RANBP3: variants seen among roughly 807,000 people sequenced by gnomAD.
RANBP3 encodes ran-binding protein 3.
RANBP3 carries 14 observed loss-of-function variants against 77.3 expected under a neutral mutation model. The observed-to-expected ratio is 0.18, with a 90% CI of 0.12 to 0.28. The LOEUF is 0.28. Among genes scored for constraint, RANBP3 ranks in the 10% least tolerant of loss-of-function variants. RANBP3 has a pLI of 1.00. For missense variants in RANBP3, 586 were observed against 752.3 expected, an observed-to-expected ratio of 0.78 and a Z score of 2.59; for synonymous variants, 315 against 312.4, an observed-to-expected ratio of 1.01 and a Z score of -0.09.
chr19:5,920,485 A>G (rs546219924), intron 14 of RANBP3, among the ~76,000 whole-genome samples: 1 of 152,308 alleles, frequency 6.6e-6, no homozygotes, highest in South Asian at 2.1e-4. Flanking sequence ...CTAAATGTCC[A>G]CCAATAGGGA....
chr19:5,957,470 C>A (rs1466455669), intron 2 of RANBP3, among the ~76,000 whole-genome samples: 1 of 152,104 alleles, frequency 6.6e-6, no homozygotes, highest in African/African-American at 2.4e-5. Context: ...CTCGTTAGGG[C>A]CAATAAATCC....
chr19:5,934,357 C>T (rs1461583643), intron 5 of RANBP3: 1 of 152,196 alleles, frequency 6.6e-6, no homozygotes, highest in Non-Finnish European at 1.5e-5. Context: ...GGTAGCCCTG[C>T]GTTTGTGCTA....
rs1218257373 is a variant in RANBP3, at chr19:5,933,432, C to T, written c.454G>A (p.Gly152Ser). The change falls in exon 6 of 17, where the codon GGC becomes AGC. Residue 152 changes from glycine (G) to serine (S), a missense_variant. Around this residue, in one of 5 missense-constraint regions of RANBP3, gnomAD observed 3 missense variants for 17.0 expected, o/e 0.18. Coordinates refer to ENST00000340578, the MANE Select transcript of RANBP3 (RefSeq NM_007322.3). The stretch of plus-strand genomic sequence containing the variant: ...GACCTACCTGCGCTGGGGGCTTGGC[C>T]GTGGATCAGCGTTGGTGGCTTCAAC... ...FRLKPPTLIH[G>S]QAPSAGLPSQ... 1.2e-6 allele frequency: 2 copies of T among 1,613,212 alleles called. No individual in the cohort carries two copies. Among genetic ancestry groups the T allele is most frequent in the Non-Finnish European group, 1.7e-6 (2 of 1,179,786 alleles).
In RANBP3 at chr19:5,921,081, G is replaced by A. The variant is rs2057812268; in HGVS notation, c.1330+120C>T. The A allele has an allele frequency of 7.5e-7, 1 of 1,327,238 alleles. No individual in the cohort carries two copies. The allele number at this position is 1,327,238 out of a possible 1,614,324, so 82.2% of individuals were successfully genotyped here. On this transcript the variant is annotated intron_variant, in intron 14 of 16. Coordinates refer to ENST00000340578, the MANE Select transcript of RANBP3 (RefSeq NM_007322.3). This position sits in a 1 kb window ranked among gnomAD's most constrained non-coding sequence, Gnocchi z 5.3. ...GCGGCTCTCATGGGAGACCGACTCT[G>A]TGCCTTGACTCTCACAAGGGTAGGG...
intron 3 of RANBP3, chr19:5,950,957 T>C (rs1261065628): frequency 1.2e-5 from 3 of 242,466 alleles, no homozygotes; most frequent in Non-Finnish European, 2.5e-5. Context: ...TGTTGGAGAG[T>C]GCCTCTTCCT....
chr19:5,975,147 C>T (rs556505334), intron 1 of RANBP3, among the ~76,000 whole-genome samples: 1 of 152,196 alleles, frequency 6.6e-6, no homozygotes, highest in Non-Finnish European at 1.5e-5. Context: ...GCAGGCTGTA[C>T]AAGCCAAAAC....
At chr19:5,975,662 G>A (rs1270994182) in intron 1 of RANBP3, among the ~76,000 whole-genome samples, 3 of 145,810 alleles carry the variant, frequency 2.1e-5, no homozygotes, top group Middle Eastern at 3.2e-3. Flanking sequence ...CTAGCATGCC[G>A]GATTGTTAAG....
In RANBP3 at chr19:5,927,963, C is replaced by T; in HGVS notation, c.813+5G>A. Reference sequence around the variant, plus strand: ...GTCAATGTGCTGGTTCAACAGCTCACATACCTTAACTCTGTCCCTCAAGTT... The same window carrying T: ...GTCAATGTGCTGGTTCAACAGCTCATATACCTTAACTCTGTCCCTCAAGTT... On this transcript the variant is annotated splice_donor_5th_base_variant and intron_variant, in intron 9 of 16. Coordinates refer to ENST00000340578, the MANE Select transcript of RANBP3 (RefSeq NM_007322.3). The T allele has an allele frequency of 6.2e-7, 1 of 1,604,638 alleles. No homozygotes were observed. The highest frequency in any genetic ancestry group is 8.5e-7 in the Non-Finnish European group (1 of 1,176,706).
At position 5,945,508 on chromosome 19, in the gene RANBP3, T is replaced by C. The variant is rs377584459; in HGVS notation, c.283-3673A>G. On this transcript the variant is annotated intron_variant, in intron 3 of 16. Transcript: ENST00000340578. The stretch of plus-strand genomic sequence containing the variant: ...ATTTTCCATGTGCACTTGAGAAGGC[T>C]GTGTACCCCACTGTTTGGGTGGGGT... Among the ~76,000 whole-genome samples, 34 of 152,356 alleles carry C rather than the reference T, an allele frequency of 2.2e-4. No homozygotes were observed. The East Asian group carries it at 3.5e-3, about 16-fold the overall frequency.
intron 1 of RANBP3, among the ~76,000 whole-genome samples, chr19:5,967,033 C>A (rs1057245209): frequency 2.0e-5 from 3 of 152,230 alleles, no homozygotes; most frequent in Non-Finnish European, 4.4e-5. Flanking sequence ...CAGTTCTGTG[C>A]CACAGCACAA....
chr19:5,947,304 ACT>A (rs2058217913), intron 3 of RANBP3, among the ~76,000 whole-genome samples: 1 of 144,402 alleles, frequency 6.9e-6, no homozygotes, highest in South Asian at 2.2e-4. Flanking sequence ...ACAGAGGGAG[ACT>A]CTGTCTCAAA....
At chr19:5,918,389 C>CGGGGGGGCGGGGGG in intron 15 of RANBP3, 107 bp downstream of exon 15, 1 of 236,546 alleles carries the variant, frequency 4.2e-6, no homozygotes, top group Non-Finnish European at 8.6e-6. Context: ...GCAACTGAAG[C>CGGGGGGGCGGGGGG]CCCTCCCCCC....
rs1034050207 is a variant in RANBP3 at position 5,921,095 on chromosome 19, A to C, written c.1330+106T>G. ...AGACCGACTCTGTGCCTTGACTCTC[A>C]CAAGGGTAGGGTCAGGATCTCCCCC... is the stretch of plus-strand genomic sequence containing the variant. On this transcript the variant is annotated intron_variant, in intron 14 of 16. Coordinates refer to ENST00000340578, the MANE Select transcript of RANBP3 (RefSeq NM_007322.3). This position sits in a 1 kb window ranked among gnomAD's most constrained non-coding sequence, Gnocchi z 5.3. 6 of 1,398,846 alleles carry C rather than the reference A, an allele frequency of 4.3e-6. No homozygotes were observed. The highest frequency in any genetic ancestry group is 5.7e-6 in the Non-Finnish European group (6 of 1,044,784). The allele number at this position is 1,398,846 out of a possible 1,614,324, so 86.7% of individuals were successfully genotyped here. A position where few individuals can be genotyped will look rare whatever the true frequency, so the allele number is the denominator to read the frequency against.
intron 16 of RANBP3, 62 bp downstream of exon 16, chr19:5,917,732 C>T: frequency 1.3e-5 from 21 of 1,588,468 alleles, no homozygotes; most frequent in Non-Finnish European, 1.7e-5. Flanking sequence ...GAGATCAGCA[C>T]TGGATCAAGG....
In RANBP3 at chr19:5,921,469, C is replaced by A. The variant is rs2057818931; in HGVS notation, c.1210-148G>T. 2 of 871,854 alleles carry A rather than the reference C, an allele frequency of 2.3e-6. No homozygotes were observed. Among genetic ancestry groups the A allele is most frequent in the East Asian group, 5.4e-5 (2 of 36,862 alleles). 54.0% of individuals were successfully genotyped at this position (871,854 alleles called of 1,614,324 possible). A position where few individuals can be genotyped will look rare whatever the true frequency, so the allele number is the denominator to read the frequency against. ...ACCTTGGTCAGTTTTTTGTCCTGCC[C>A]TCAAGCTAGAACAGGCTTTACATTG... On this transcript the variant is annotated intron_variant, in intron 13 of 16. Transcript: ENST00000340578. This position sits in a 1 kb window ranked among gnomAD's most constrained non-coding sequence, Gnocchi z 5.3.
intron 13 of RANBP3, among the ~76,000 whole-genome samples, chr19:5,922,510 T>C (rs772952562): frequency 3.3e-5 from 5 of 151,898 alleles, no homozygotes; most frequent in Admixed American, 6.6e-5. Context: ...GACGGTGGGG[T>C]GGAACCTCTG....
rs544455636 is a variant in RANBP3 at position 5,919,050 on chromosome 19, G to A, written c.1331-412C>T. The stretch of plus-strand genomic sequence containing the variant: ...AGGGGCTGACACTCAAGGTGCATGC[G>A]CTTTCTGTGTGTGTGAGACATCGGC... On this transcript the variant is annotated intron_variant, in intron 14 of 16. Coordinates refer to ENST00000340578, the MANE Select transcript of RANBP3 (RefSeq NM_007322.3). Among the ~76,000 whole-genome samples the A allele has an allele frequency of 8.5e-5, 13 of 152,252 alleles. No individual in the cohort carries two copies. The East Asian group carries it at 2.3e-3, about 27-fold the overall frequency.
At chr19:5,976,168 C>T (rs2058588657) in intron 1 of RANBP3, among the ~76,000 whole-genome samples, 1 of 152,132 alleles carries the variant, frequency 6.6e-6, no homozygotes. Context: ...AAAGAATGGA[C>T]CTGCCTAACT....
At chr19:5,977,915 G>A (rs2145315769) in intron 1 of RANBP3, 146 bp downstream of exon 1, 1 of 1,037,892 alleles carries the variant, frequency 9.6e-7, no homozygotes, top group East Asian at 3.2e-5. Context: ...CGCAATAGGG[G>A]GCGGCTGCAA....
Sources: gnomAD v4.1 joint callset for allele counts (sites outside exome capture counted in the v4.1 genomes callset) on GRCh38, gnomAD v4.1.1 for gene constraint, gnomAD v4.1.1 regional missense constraint, Gnocchi (gnomAD v3.1) non-coding constraint, MANE v1.5 for transcripts, NCBI Gene and HGNC (gene_info 2026-07-23, HGNC 2026-07-21) for gene names.